Variants in PCGF3 observed in about 807,000 individuals in gnomAD.
The protein encoded by PCGF3 is polycomb group ring finger 3.
Under a neutral mutation model 33.1 loss-of-function variants are expected in PCGF3, and 7 were observed. The observed-to-expected ratio is 0.21, with a 90% CI of 0.12 to 0.40. The LOEUF (loss-of-function observed/expected upper bound fraction) is 0.40, where lower values mean the gene tolerates loss of function less well. Ranked by LOEUF, PCGF3 falls within the 10% of genes least tolerant of loss-of-function variation. PCGF3 has a pLI of 1.00. For synonymous variants in PCGF3, 153 were observed against 121.3 expected, an observed-to-expected ratio of 1.26 and a Z score of -1.72; for missense variants, 211 against 313.3, an observed-to-expected ratio of 0.67 and a Z score of 2.46.
At chr4:734,423 A>C (rs927893885) in intron 4 of PCGF3, 8 of 1,320,106 alleles carry the variant, frequency 6.1e-6, no homozygotes, top group Non-Finnish European at 7.8e-6. Flanking sequence ...TTATAATACA[A>C]GTGATGCTTG....
chr4:717,898 C>T (rs938623423), intron 1 of PCGF3, among the ~76,000 whole-genome samples: 11 of 152,180 alleles, frequency 7.2e-5, no homozygotes, highest in Non-Finnish European at 1.3e-4. Flanking sequence ...GGCCTGACCT[C>T]GATGGCCCTG....
rs548714501 is a variant in PCGF3, at chr4:733,913, C to G, written c.109+124C>G. Reference sequence around the variant, plus strand: ...AGCCCGACAAAAGCAGGAACCAGGACCAGGGGCAGAGACGATCTTGAAGAT... The same window carrying G: ...AGCCCGACAAAAGCAGGAACCAGGAGCAGGGGCAGAGACGATCTTGAAGAT... On this transcript the variant is annotated intron_variant, in intron 4 of 10. Transcript: ENST00000362003. The G allele has an allele frequency of 5.6e-4, 877 of 1,575,018 alleles. 2 individuals carry two copies. Among genetic ancestry groups the G allele is most frequent in the South Asian group, 1.3e-3 (111 of 87,518 alleles).
chr4:727,853 G>T (rs138346631), intron 1 of PCGF3, among the ~76,000 whole-genome samples: 280 of 152,296 alleles, frequency 1.8e-3, no homozygotes, highest in Non-Finnish European at 3.2e-3. Flanking sequence ...CTCATAGTGT[G>T]AGTTGGAAAA....
intron 1 of PCGF3, among the ~76,000 whole-genome samples, chr4:715,667 A>G (rs1742795117): frequency 8.9e-6 from 1 of 112,944 alleles, no homozygotes; most frequent in Admixed American, 9.1e-5. Context: ...GGGACCCTCT[A>G]GACACTGTGA....
intron 10 of PCGF3, among the ~76,000 whole-genome samples, chr4:765,323 C>T (rs1577452341): frequency 6.6e-6 from 1 of 152,090 alleles, no homozygotes; most frequent in African/African-American, 2.4e-5. Flanking sequence ...GTCTCAGCTA[C>T]TCAGGAGGCT....
intron 1 of PCGF3, among the ~76,000 whole-genome samples, chr4:728,431 G>A (rs373334999): frequency 1.3e-5 from 2 of 151,536 alleles, no homozygotes; most frequent in East Asian, 3.9e-4. Context: ...GGGGGGTGGC[G>A]TGCACAGCGT....
rs1418979313 is a variant in PCGF3, at chr4:734,911, C to T, written c.110-20C>T. The stretch of plus-strand genomic sequence containing the variant: ...CCTGGCTCTAGACGCTCTCCTAACA[C>T]ACCTGTGCTTTGATGACAGTCTGCA... On this transcript the variant is annotated intron_variant, in intron 4 of 10. Coordinates refer to ENST00000362003, the Ensembl canonical transcript of PCGF3. 3.1e-6 allele frequency: 5 copies of T among 1,611,284 alleles called. No homozygotes were observed. Among genetic ancestry groups the T allele is most frequent in the African/African-American group, 1.3e-5 (1 of 74,928 alleles).
intron 6 of PCGF3, among the ~76,000 whole-genome samples, chr4:738,610 G>A (rs1175242055): frequency 6.6e-6 from 1 of 151,906 alleles, no homozygotes; most frequent in East Asian, 1.9e-4. Context: ...AGCACTTTGG[G>A]AGGCCGAGGC....
intron 6 of PCGF3, among the ~76,000 whole-genome samples, chr4:738,535 C>G (rs1743940610): frequency 6.6e-6 from 1 of 151,674 alleles, no homozygotes; most frequent in Non-Finnish European, 1.5e-5. Flanking sequence ...TTTTGTGACC[C>G]CCGCCAGTGC....
At chr4:749,398 G>A (rs1368014671) in intron 8 of PCGF3, among the ~76,000 whole-genome samples, 1 of 151,252 alleles carries the variant, frequency 6.6e-6, no homozygotes, top group Non-Finnish European at 1.5e-5. Context: ...TCTTGACCTC[G>A]GGTGATCCAC....
At chr4:751,843 C>A (rs1390132664) in intron 8 of PCGF3, among the ~76,000 whole-genome samples, 1 of 152,240 alleles carries the variant, frequency 6.6e-6, no homozygotes, top group Non-Finnish European at 1.5e-5. Context: ...GCCGGCCGCG[C>A]TGGCTTCACA....
intron 1 of PCGF3, among the ~76,000 whole-genome samples, chr4:718,180 G>T (rs1577398539): frequency 1.3e-5 from 2 of 152,160 alleles, no homozygotes; most frequent in African/African-American, 4.8e-5. Context: ...ACGTGCAGCC[G>T]TCAGACGTCT....
rs1348156524 is a variant in PCGF3, at chr4:716,082, G to T, written c.-190+10112G>T. ...TGTAGACACTGTGAGTGTGAGAACC[G>T]GGCATCGGTGCTGGGACCCTGTAGA... On this transcript the variant is annotated intron_variant, in intron 1 of 10. Coordinates refer to ENST00000362003, the Ensembl canonical transcript of PCGF3. Among the ~76,000 whole-genome samples the T allele has an allele frequency of 2.1e-5, 3 of 145,190 alleles. 1 individual carries two copies. Among genetic ancestry groups the T allele is most frequent in the Non-Finnish European group, 4.6e-5 (3 of 65,768 alleles).
At chr4:764,233 G>A (rs144938524) in intron 9 of PCGF3, among the ~76,000 whole-genome samples, 154 of 152,300 alleles carry the variant, frequency 1.0e-3, no homozygotes, top group African/African-American at 3.6e-3. Flanking sequence ...CAAGGGGGAC[G>A]GGAACTCCCT....
At chr4:733,231 G>C (rs1055764489) in intron 3 of PCGF3, among the ~76,000 whole-genome samples, 1 of 152,244 alleles carries the variant, frequency 6.6e-6, no homozygotes, top group East Asian at 1.9e-4. Context: ...CCCAAGGGTC[G>C]CGCTGTGAGC....
At chr4:738,641 A>G (rs927479887) in intron 6 of PCGF3, among the ~76,000 whole-genome samples, 6 of 151,344 alleles carry the variant, frequency 4.0e-5, no homozygotes, top group Admixed American at 6.6e-5. Flanking sequence ...TCAGGTCAAG[A>G]GTTTGAGACC....
chr4:735,048 G>C, intron 5 of PCGF3, 21 bp downstream of exon 5: 1 of 1,607,594 alleles, frequency 6.2e-7, no homozygotes, highest in South Asian at 1.1e-5. Flanking sequence ...GCCTTCCCAG[G>C]CCACAGTACG....
intron 8 of PCGF3, among the ~76,000 whole-genome samples, chr4:750,012 C>T (rs1744443274): frequency 6.6e-6 from 1 of 152,122 alleles, no homozygotes; most frequent in South Asian, 2.1e-4. Flanking sequence ...TGCTGTGTTG[C>T]CTAGGCCGGT....
At chr4:769,720 C>G (rs527576344) in exon 11 of PCGF3, 1 of 152,662 alleles carries the variant, frequency 6.6e-6, no homozygotes, top group South Asian at 2.1e-4. Flanking sequence ...CTGAGATGTG[C>G]GTAGCCTCCG....
Sources: allele counts gnomAD v4.1 joint callset (sites outside exome capture counted in the v4.1 genomes callset), GRCh38; gene constraint gnomAD v4.1.1; transcripts MANE v1.5; gene names NCBI Gene and HGNC (gene_info 2026-07-23, HGNC 2026-07-21).